Variants in DHRS4L2 observed in about 807,000 individuals in gnomAD.
DHRS4L2 encodes dehydrogenase/reductase SDR family member 4-like 2.
Under a neutral mutation model 23.9 loss-of-function variants are expected in DHRS4L2, and 22 were observed. The observed-to-expected ratio is 0.92, with a 90% confidence interval of 0.66 to 1.31. The LOEUF (loss-of-function observed/expected upper bound fraction) is 1.31. Ranked by LOEUF, DHRS4L2 falls within the 40% of genes most tolerant of loss-of-function variation. The pLI, the probability that DHRS4L2 is intolerant of heterozygous loss-of-function variation, is 0.00. For synonymous variants in DHRS4L2, 141 were observed against 123.7 expected (o/e 1.14, Z -0.93); for missense variants, 385 against 303.3 (o/e 1.27, Z -2.00).
Position 23,970,349 on chromosome 14 carries a change from G to T in DHRS4L2, c.-176+17G>T, listed in dbSNP as rs758320923. ...GCTTGACAGGTAGGGTGGAGAGGGCGGTGGGGGGCGGGGGGCCGAAACTGC... is the reference window on the plus strand; with the variant it reads ...GCTTGACAGGTAGGGTGGAGAGGGCTGTGGGGGGCGGGGGGCCGAAACTGC... On this transcript the variant is annotated intron_variant, in intron 1 of 5. Transcript: ENST00000534993. 89 of 418,506 alleles carry T rather than the reference G, an allele frequency of 2.1e-4. 4 individuals carry two copies. The highest frequency in any genetic ancestry group is 1.5e-3 in the South Asian group (89 of 59,508). The allele number at this position is 418,506 out of a possible 1,614,324, so 25.9% of individuals were successfully genotyped here.
At chr14:23,988,785 G>A (rs937603367), upstream of DHRS4L2, 3 of 1,403,182 alleles carry the variant, frequency 2.1e-6, no homozygotes, top group Non-Finnish European at 2.8e-6. Context: ...GGGGCGGGGC[G>A]ACTGGCGGGC....
chr14:24,000,177 G>C (rs1242847186), intron 3 of DHRS4L2, among the ~76,000 whole-genome samples: 1 of 145,206 alleles, frequency 6.9e-6, no homozygotes, highest in Admixed American at 6.7e-5. Context: ...CTAAGTGAAG[G>C]ATATCTAGAC....
intron 3 of DHRS4L2, among the ~76,000 whole-genome samples, chr14:23,998,349 C>A (rs1373633434): frequency 2.0e-5 from 3 of 151,608 alleles, no homozygotes. Context: ...TAGCCCCTAA[C>A]AAGAGAATAA....
At position 24,001,445 on chromosome 14, in the gene DHRS4L2, T is replaced by C. The variant is rs1373199815; in HGVS notation, c.593T>C (p.Ile198Thr). 1 of 1,607,222 alleles carries C rather than the reference T, an allele frequency of 6.2e-7. No individual in the cohort carries two copies. The highest frequency in any genetic ancestry group is 8.5e-7 in the Non-Finnish European group (1 of 1,179,316). The change falls in exon 6 of 8, where the codon ATA becomes ACA. Residue 198 changes from isoleucine (I) to threonine (T), a missense_variant. Ile to Thr is a moderately conservative substitution (Grantham distance 89, BLOSUM62 -1). Transcript: ENST00000335125. The part of the protein sequence containing the change: ...ALLGLNNTLA[I>T]ELAPRNIRVN... ...CTGGGCCTCAACAATACCCTGGCCATAGAGCTGGCCCCAAGGAACATTAGG... is the reference window on the plus strand; with the variant it reads ...CTGGGCCTCAACAATACCCTGGCCACAGAGCTGGCCCCAAGGAACATTAGG...
chr14:23,974,746 G>C (rs562377797), intron 1 of DHRS4L2, among the ~76,000 whole-genome samples: 16 of 151,788 alleles, frequency 1.1e-4, no homozygotes, highest in African/African-American at 3.9e-4. Context: ...CTGAAATTGA[G>C]GCAATAATTA....
At chr14:23,995,156 C>A (rs72692120) in intron 3 of DHRS4L2, 23 bp downstream of exon 3, 2 of 1,604,214 alleles carry the variant, frequency 1.2e-6, no homozygotes, top group Non-Finnish European at 1.7e-6. Context: ...TAAAGAAGCG[C>A]GGAAGGGGGC....
intron 1 of DHRS4L2, among the ~76,000 whole-genome samples, chr14:23,971,234 A>C (rs1217931900): frequency 4.6e-5 from 7 of 152,046 alleles, no homozygotes; most frequent in Admixed American, 4.6e-4. Flanking sequence ...AACCCATTAC[A>C]AGGAAGCTAA....
At position 23,978,242 on chromosome 14, in the gene DHRS4L2, G is replaced by A. The variant is rs576981085; in HGVS notation, c.-176+7910G>A. Among the ~76,000 whole-genome samples the A allele has an allele frequency of 1.5e-4, 22 of 150,694 alleles. 1 individual carries two copies. The highest frequency in any genetic ancestry group is 8.4e-4 in the South Asian group (4 of 4,776). ...ATCCAGTGTTGTTCACCATAGCATT[G>A]TTTGAAATAGCAAAACACTGGAAGC... On this transcript the variant is annotated intron_variant, in intron 1 of 5. Transcript: ENST00000534993.
chr14:23,975,866 C>T (rs1350655200), intron 1 of DHRS4L2, among the ~76,000 whole-genome samples: 1 of 151,686 alleles, frequency 6.6e-6, no homozygotes, highest in Non-Finnish European at 1.5e-5. Flanking sequence ...AAAGGATTCC[C>T]TATTTAATAA....
rs1309231710 is a variant in DHRS4L2, at chr14:23,988,994, C to T, written c.47C>T (p.Ser16Leu). The part of the protein sequence containing the change: ...LLGLCAWARK[S>L]VRMASSRMTR... ...GGCCTCTGTGCCTGGGCACGGAAGT[C>T]GGTGCGGATGGCCAGCTCCAGGATG... Residue 16 changes from serine to leucine, a missense_variant, in exon 1 of 8, where the codon TCG becomes TTG. Physicochemically the swap from Ser to Leu is moderately radical, Grantham distance 145 (BLOSUM62 -2). Transcript: ENST00000335125. 1.9e-6 allele frequency: 3 copies of T among 1,611,006 alleles called. No homozygotes were observed. The highest frequency in any genetic ancestry group is 1.3e-5 in the African/African-American group (1 of 74,936).
At chr14:23,993,675 C>T (rs1322435432) in intron 2 of DHRS4L2, among the ~76,000 whole-genome samples, 1 of 151,694 alleles carries the variant, frequency 6.6e-6, no homozygotes, top group Non-Finnish European at 1.5e-5. Flanking sequence ...TGAGATGTTG[C>T]CTTTCTTCGC....
chr14:23,998,545 G>A lies in DHRS4L2; in HGVS notation c.409-2318G>A, dbSNP rs2034427019. Among the ~76,000 whole-genome samples, 4 of 150,774 alleles carry A rather than the reference G, an allele frequency of 2.7e-5. No individual in the cohort carries two copies. The South Asian group carries it at 8.4e-4, about 32-fold the overall frequency. On this transcript the variant is annotated intron_variant, in intron 3 of 7. Coordinates refer to ENST00000335125, the MANE Select transcript of DHRS4L2 (RefSeq NM_198083.4). ...ATAACTGGCTGCAGCTTCTACATCAGCACTCGCTGCTTCATCTTGCACTTT... is the reference window on the plus strand; with the variant it reads ...ATAACTGGCTGCAGCTTCTACATCAACACTCGCTGCTTCATCTTGCACTTT...
intron 3 of DHRS4L2, 88 bp from the exon 4 acceptor site, chr14:24,000,775 C>A (rs1246747864): frequency 3.4e-6 from 4 of 1,162,708 alleles, no homozygotes; most frequent in Non-Finnish European, 4.9e-6. Flanking sequence ...TGACAAACAT[C>A]CTAGGAACCC....
Position 23,996,650 on chromosome 14 carries a change from C to CTTT in DHRS4L2, c.408+1529_408+1531dup, listed in dbSNP as rs771033729. 1.2e-3 allele frequency among the ~76,000 whole-genome samples: 163 copies of CTTT among 131,020 alleles called. 1 individual carries two copies. Among genetic ancestry groups the CTTT allele is most frequent in the Middle Eastern group, 4.1e-3 (1 of 246 alleles). 86.0% of individuals were successfully genotyped at this position (131,020 alleles called of 152,430 possible). On this transcript the variant is annotated intron_variant, in intron 3 of 7. Transcript: ENST00000335125. ...ACAGACTCTTGCTCTGTCTTTTTTC[C>CTTT]TTTTTTTTTTTTTTCCCCCTCGCTG...
At chr14:23,973,104 C>G (rs536446976) in intron 1 of DHRS4L2, among the ~76,000 whole-genome samples, 1 of 152,048 alleles carries the variant, frequency 6.6e-6, no homozygotes, top group South Asian at 2.1e-4. Context: ...ATCTCGACTG[C>G]AAGAGGCTTT....
intron 2 of DHRS4L2, among the ~76,000 whole-genome samples, chr14:23,991,345 T>C (rs1177043061): frequency 6.6e-6 from 1 of 151,672 alleles, no homozygotes; most frequent in Non-Finnish European, 1.5e-5. Context: ...CTTAGACTGG[T>C]CGACAAAGCC....
At chr14:23,987,484 C>A (rs1276025767), upstream of DHRS4L2, among the ~76,000 whole-genome samples, 2 of 151,540 alleles carry the variant, frequency 1.3e-5, no homozygotes, top group Non-Finnish European at 2.9e-5. Flanking sequence ...CTAAATGAAT[C>A]TTGAGCAAAC....
At chr14:23,988,726 C>T, upstream of DHRS4L2, 1 of 1,324,442 alleles carries the variant, frequency 7.6e-7, no homozygotes, top group Non-Finnish European at 9.8e-7. Flanking sequence ...TTTGATCACT[C>T]ACCAGCCCGG....
chr14:23,988,695 G>A, upstream of DHRS4L2: 9 of 1,099,914 alleles, frequency 8.2e-6, no homozygotes, highest in Non-Finnish European at 1.1e-5. Flanking sequence ...GAGCCCTACA[G>A]GCAACTTGAA....
Sources: gnomAD v4.1 joint callset for allele counts (sites outside exome capture counted in the v4.1 genomes callset) on GRCh38, gnomAD v4.1.1 for gene constraint, MANE v1.5 for transcripts, NCBI Gene and HGNC (gene_info 2026-07-23, HGNC 2026-07-21) for gene names.